FHOD3: variants seen among roughly 807,000 people sequenced by gnomAD.
FHOD3 encodes formin homology 2 domain containing 3, also known as FH1/FH2 domain-containing protein 3.
A neutral mutation model predicts 173.0 loss-of-function variants in FHOD3; 90 were observed. The observed-to-expected ratio is 0.52, with a 90% CI of 0.44 to 0.62. The LOEUF (loss-of-function observed/expected upper bound fraction) is 0.62, where lower values mean the gene tolerates loss of function less well. Among genes scored for constraint, FHOD3 ranks in the 20% least tolerant of loss-of-function variants. The pLI is 0.00. For missense variants in FHOD3, 1,945 were observed against 2,034.7 expected (o/e 0.96, Z 0.85); for synonymous variants, 828 against 823.0 (o/e 1.01, Z -0.10).
intron 2 of FHOD3, among the ~76,000 whole-genome samples, chr18:36,363,257 T>G (rs1254526619): frequency 6.6e-6 from 1 of 152,226 alleles, no homozygotes; most frequent in Non-Finnish European, 1.5e-5. Flanking sequence ...CAAAGCTAAA[T>G]GTAGGCTTAC....
intron 3 of FHOD3, among the ~76,000 whole-genome samples, chr18:36,475,017 ACACACACACACACACACT>A (rs1356889090): frequency 1.3e-4 from 18 of 137,356 alleles, no homozygotes; most frequent in South Asian, 5.2e-4. Context: ...ACACACACAC[ACACACACACACACACACT>A]CTGCAAAATT....
intron 9 of FHOD3, among the ~76,000 whole-genome samples, chr18:36,619,231 G>A (rs1350695189): frequency 6.6e-6 from 1 of 152,182 alleles, no homozygotes; most frequent in Non-Finnish European, 1.5e-5. Flanking sequence ...AAGGCAAGCA[G>A]GTAGCTGATT....
At chr18:36,568,182 A>T (rs1446359021) in intron 5 of FHOD3, among the ~76,000 whole-genome samples, 1 of 124,490 alleles carries the variant, frequency 8.0e-6, no homozygotes, top group Non-Finnish European at 1.7e-5. Context: ...AAAAAAAAAA[A>T]AATAAATTAG....
intron 1 of FHOD3, among the ~76,000 whole-genome samples, chr18:36,337,334 A>G (rs1676198145): frequency 6.6e-6 from 1 of 152,182 alleles, no homozygotes; most frequent in Non-Finnish European, 1.5e-5. Flanking sequence ...AACACACCAG[A>G]CCTGGTCACA....
At chr18:36,488,852 C>T (rs1457913932) in intron 3 of FHOD3, among the ~76,000 whole-genome samples, 2 of 152,156 alleles carry the variant, frequency 1.3e-5, no homozygotes, top group African/African-American at 2.4e-5. Flanking sequence ...AAAGCAGGCA[C>T]AGGTACAGTG....
At chr18:36,555,269 C>A (rs1224062494) in intron 5 of FHOD3, among the ~76,000 whole-genome samples, 3 of 151,586 alleles carry the variant, frequency 2.0e-5, no homozygotes, top group African/African-American at 2.4e-5. Flanking sequence ...TTTAATTTCT[C>A]TTTTGGTTTG....
intron 3 of FHOD3, among the ~76,000 whole-genome samples, chr18:36,436,977 C>T (rs1174058829): frequency 6.6e-6 from 1 of 152,106 alleles, no homozygotes; most frequent in Non-Finnish European, 1.5e-5. Context: ...ATATCTTAGC[C>T]CCTGCAAGTA....
At chr18:36,730,412 AT>A (rs1160068431) in intron 19 of FHOD3, among the ~76,000 whole-genome samples, 1 of 152,090 alleles carries the variant, frequency 6.6e-6, no homozygotes, top group Non-Finnish European at 1.5e-5. Flanking sequence ...AGGAAAATCC[AT>A]TTTATTTTTG....
chr18:36,449,699 A>G (rs1344751184), intron 3 of FHOD3, among the ~76,000 whole-genome samples: 3 of 152,222 alleles, frequency 2.0e-5, no homozygotes, highest in Admixed American at 1.3e-4. Context: ...AAAAAATGGC[A>G]TTCCGTTCCT....
chr18:36,354,229 G>C (rs2046257540), intron 1 of FHOD3, among the ~76,000 whole-genome samples: 1 of 152,200 alleles, frequency 6.6e-6, no homozygotes, highest in South Asian at 2.1e-4. Context: ...GCTGTAGAGA[G>C]GATGCAGAGT....
At chr18:36,544,000 A>G (rs1464662158) in intron 5 of FHOD3, among the ~76,000 whole-genome samples, 1 of 152,230 alleles carries the variant, frequency 6.6e-6, no homozygotes, top group Non-Finnish European at 1.5e-5. Flanking sequence ...AAATCTCCAA[A>G]CAAAACATGT....
chr18:36,524,696 C>G (rs1412385062), intron 5 of FHOD3, among the ~76,000 whole-genome samples: 2 of 152,294 alleles, frequency 1.3e-5, no homozygotes, highest in East Asian at 3.9e-4. Flanking sequence ...TCTGTCTTTT[C>G]CCAGCTCTTC....
At chr18:36,604,044 G>A (rs1039681821) in intron 8 of FHOD3, among the ~76,000 whole-genome samples, 3 of 152,102 alleles carry the variant, frequency 2.0e-5, no homozygotes, top group East Asian at 1.9e-4. Flanking sequence ...CACCTTGTAG[G>A]GCAGTCTTGG....
intron 1 of FHOD3, among the ~76,000 whole-genome samples, chr18:36,301,399 T>C (rs945741133): frequency 3.9e-5 from 6 of 152,252 alleles, no homozygotes; most frequent in African/African-American, 1.4e-4. Flanking sequence ...TGCTTTATCA[T>C]TTTTTATTTC....
At chr18:36,405,398 A>C (rs1313188973) in intron 3 of FHOD3, among the ~76,000 whole-genome samples, 1 of 152,224 alleles carries the variant, frequency 6.6e-6, no homozygotes, top group East Asian at 1.9e-4. Flanking sequence ...TTTTAAAGCT[A>C]TGGAGATATT....
intron 17 of FHOD3, among the ~76,000 whole-genome samples, chr18:36,695,207 C>G (rs2039206809): frequency 6.6e-6 from 1 of 151,752 alleles, no homozygotes; most frequent in Non-Finnish European, 1.5e-5. Flanking sequence ...AAAAAATTAG[C>G]CGGGCGTGGT....
chr18:36,740,930 C>A, intron 21 of FHOD3, 92 bp downstream of exon 21: 1 of 1,239,484 alleles, frequency 8.1e-7, no homozygotes, highest in Non-Finnish European at 1.1e-6. Context: ...AGTGAAATAT[C>A]ATTCTTGGCA....
intron 5 of FHOD3, among the ~76,000 whole-genome samples, chr18:36,562,600 A>C (rs575347942): frequency 4.6e-5 from 7 of 152,208 alleles, no homozygotes; most frequent in African/African-American, 1.2e-4. Flanking sequence ...CCTACTTCGT[A>C]CCTATCCACA....
intron 3 of FHOD3, among the ~76,000 whole-genome samples, chr18:36,452,701 C>T (rs2051928226): frequency 6.6e-6 from 1 of 152,050 alleles, no homozygotes; most frequent in South Asian, 2.1e-4. Context: ...CAGTGTTTGT[C>T]CTTCTGTGAC....
Sources: allele counts gnomAD v4.1 joint callset (sites outside exome capture counted in the v4.1 genomes callset), GRCh38; gene constraint gnomAD v4.1.1; transcripts MANE v1.5; gene names NCBI Gene and HGNC (gene_info 2026-07-23, HGNC 2026-07-21).